ICA1L: variants seen among roughly 807,000 people sequenced by gnomAD.
ICA1L encodes islet cell autoantigen 1 like, also known as islet cell autoantigen 1-like protein.
A neutral mutation model predicts 61.3 loss-of-function variants in ICA1L; 50 were observed. The observed-to-expected ratio is 0.82, with a 90% CI of 0.65 to 1.03. ICA1L has a LOEUF of 1.03. Among genes scored for constraint, ICA1L ranks in the 50% least tolerant of loss-of-function variants. The pLI, the probability that ICA1L is intolerant of heterozygous loss-of-function variation, is 0.00. For missense variants in ICA1L, 508 were observed against 556.7 expected, an observed-to-expected ratio of 0.91 and a Z score of 0.88; for synonymous variants, 161 against 191.3, an observed-to-expected ratio of 0.84 and a Z score of 1.31.
intron 12 of ICA1L, among the ~76,000 whole-genome samples, chr2:202,785,172 T>A (rs1418671770): frequency 1.3e-5 from 2 of 150,490 alleles, no homozygotes; most frequent in African/African-American, 4.9e-5. Context: ...TGAGCCGAGA[T>A]TGTACCATTG....
intron 1 of ICA1L, among the ~76,000 whole-genome samples, chr2:202,844,974 G>A (rs537172023): frequency 6.6e-5 from 10 of 151,974 alleles, no homozygotes; most frequent in Non-Finnish European, 1.5e-4. Flanking sequence ...CCTGGCATGT[G>A]GTCCCCCTTC....
intron 1 of ICA1L, among the ~76,000 whole-genome samples, chr2:202,866,723 G>A (rs531611050): frequency 9.2e-5 from 14 of 152,250 alleles, no homozygotes; most frequent in South Asian, 4.1e-4. Flanking sequence ...TGAGGCGGGC[G>A]AATCACAAGG....
intron 1 of ICA1L, among the ~76,000 whole-genome samples, chr2:202,853,977 G>C (rs934166522): frequency 1.6e-4 from 25 of 152,100 alleles, no homozygotes; most frequent in African/African-American, 5.6e-4. Context: ...CGAAGAAACT[G>C]CATCAACTAA....
intron 1 of ICA1L, among the ~76,000 whole-genome samples, chr2:202,863,651 C>G (rs549513798): frequency 6.6e-6 from 1 of 151,740 alleles, no homozygotes; most frequent in Non-Finnish European, 1.5e-5. Flanking sequence ...GGTGAAACCC[C>G]GTCTCTACTA....
At chr2:202,821,231 G>T in intron 4 of ICA1L, 127 bp downstream of exon 4, 1 of 766,064 alleles carries the variant, frequency 1.3e-6, no homozygotes, top group Non-Finnish European at 2.0e-6. Flanking sequence ...CAACATAACT[G>T]TGATATATTT....
At chr2:202,846,185 T>C (rs1022274474) in intron 1 of ICA1L, among the ~76,000 whole-genome samples, 1 of 152,158 alleles carries the variant, frequency 6.6e-6, no homozygotes, top group African/African-American at 2.4e-5. Context: ...TTTGAATAAC[T>C]ATTATTATTA....
chr2:202,797,156 G>A (rs192566109), intron 9 of ICA1L, among the ~76,000 whole-genome samples, 192 bp from the exon 10 acceptor site: 1 of 148,892 alleles, frequency 6.7e-6, no homozygotes, highest in African/African-American at 2.5e-5. Context: ...GTGTGTGTGT[G>A]TGTGTGTATA....
chr2:202,841,386 GC>G, intron 1 of ICA1L: 1 of 1,006,170 alleles, frequency 9.9e-7, no homozygotes, highest in Non-Finnish European at 1.6e-6. Flanking sequence ...GTTGCTCTAA[GC>G]CATCTTCTGC....
intron 1 of ICA1L, among the ~76,000 whole-genome samples, chr2:202,854,447 A>G (rs895775231): frequency 6.6e-6 from 1 of 152,154 alleles, no homozygotes; most frequent in African/African-American, 2.4e-5. Context: ...ATAGGGGGAG[A>G]CTTTAACACC....
intron 9 of ICA1L, among the ~76,000 whole-genome samples, chr2:202,797,374 A>AT (rs1692964502): frequency 6.6e-6 from 1 of 152,210 alleles, no homozygotes; most frequent in African/African-American, 2.4e-5. Context: ...GAATGAATGA[A>AT]TATGGCCTAC....
At chr2:202,840,804 G>A in intron 1 of ICA1L, 1 of 606,002 alleles carries the variant, frequency 1.7e-6, no homozygotes, top group Non-Finnish European at 3.1e-6. Flanking sequence ...GAAACTCTCT[G>A]GCCTTTGAGG....
chr2:202,831,200 A>G (rs1341299690), intron 1 of ICA1L, among the ~76,000 whole-genome samples: 1 of 152,226 alleles, frequency 6.6e-6, no homozygotes, highest in African/African-American at 2.4e-5. Flanking sequence ...GTATATATTA[A>G]TCACCATTTA....
At chr2:202,868,142 G>A (rs1032510647) in intron 1 of ICA1L, among the ~76,000 whole-genome samples, 2 of 151,912 alleles carry the variant, frequency 1.3e-5, no homozygotes, top group Non-Finnish European at 2.9e-5. Flanking sequence ...ACTTCGAAAC[G>A]GTTGTTTGGG....
At chr2:202,869,493 T>A (rs990789764) in intron 1 of ICA1L, 10 of 152,172 alleles carry the variant, frequency 6.6e-5, no homozygotes, top group Non-Finnish European at 1.5e-4. Context: ...AAATATAATT[T>A]AAAAAACACA....
At position 202,846,992 on chromosome 2, in the gene ICA1L, T is replaced by C. The variant is rs563461864; in HGVS notation, c.-7-17976A>G. Among the ~76,000 whole-genome samples, 16 of 152,316 alleles carry C rather than the reference T, an allele frequency of 1.1e-4. No individual in the cohort carries two copies. The East Asian group carries it at 3.1e-3, about 29-fold the overall frequency. ...TGAAATTCTGATGTGCTGGGTACCA[T>C]GAGTGAAATTTCCTTTGAACTGTAT... On this transcript the variant is annotated intron_variant, in intron 1 of 12. Coordinates refer to ENST00000358299, the MANE Select transcript of ICA1L (RefSeq NM_001288622.3).
chr2:202,845,005 GC>G (rs1694429010), intron 1 of ICA1L, among the ~76,000 whole-genome samples: 1 of 152,140 alleles, frequency 6.6e-6, no homozygotes. Flanking sequence ...AAGGCCAGCA[GC>G]ATAGCATCTT....
chr2:202,783,983 A>G (rs879670448), intron 12 of ICA1L, among the ~76,000 whole-genome samples: 1 of 152,196 alleles, frequency 6.6e-6, no homozygotes, highest in Non-Finnish European at 1.5e-5. Flanking sequence ...AATGTATAGT[A>G]GTATTTTTTA....
chr2:202,790,260 T>C (rs757089493), intron 10 of ICA1L, among the ~76,000 whole-genome samples: 1 of 152,228 alleles, frequency 6.6e-6, no homozygotes, highest in East Asian at 1.9e-4. Context: ...TCAATAAAAA[T>C]GAAAGGGAGA....
At chr2:202,786,892 A>C (rs956485351) in intron 11 of ICA1L, 204 of 348,290 alleles carry the variant, frequency 5.9e-4, no homozygotes, top group Non-Finnish European at 2.0e-4. Context: ...AATGTGGAGA[A>C]ATGTTTGCTA....
Sources: gnomAD v4.1 joint callset for allele counts (sites outside exome capture counted in the v4.1 genomes callset) on GRCh38, gnomAD v4.1.1 for gene constraint, MANE v1.5 for transcripts, NCBI Gene and HGNC (gene_info 2026-07-23, HGNC 2026-07-21) for gene names.